Variants in NFAT5 observed in about 807,000 individuals in gnomAD.
NFAT5 encodes nuclear factor of activated T cells 5, also known as nuclear factor of activated T-cells 5.
NFAT5 carries 31 observed loss-of-function variants against 166.5 expected under a neutral mutation model. The observed-to-expected ratio is 0.19, with a 90% CI of 0.14 to 0.25. The LOEUF (loss-of-function observed/expected upper bound fraction) is 0.25. Ranked by LOEUF, NFAT5 falls within the 10% of genes least tolerant of loss-of-function variation. The pLI is 1.00. For missense variants in NFAT5, 1,449 were observed against 1,821.8 expected, an observed-to-expected ratio of 0.80 and a Z score of 3.72; for synonymous variants, 612 against 639.7, an observed-to-expected ratio of 0.96 and a Z score of 0.65.
intron 3 of NFAT5, among the ~76,000 whole-genome samples, chr16:69,641,604 A>G (rs1276368253): frequency 2.0e-5 from 3 of 152,158 alleles, no homozygotes; most frequent in African/African-American, 7.2e-5. Context: ...AAATATTTCT[A>G]ATTTCAAAGC....
intron 7 of NFAT5, among the ~76,000 whole-genome samples, chr16:69,669,559 T>G (rs569853694): frequency 6.6e-6 from 1 of 152,222 alleles, no homozygotes; most frequent in African/African-American, 2.4e-5. Flanking sequence ...AAAAAAGATT[T>G]TAGATTTTTG....
intron 9 of NFAT5, among the ~76,000 whole-genome samples, chr16:69,672,118 C>T (rs2036646970): frequency 6.6e-6 from 1 of 152,196 alleles, no homozygotes; most frequent in Non-Finnish European, 1.5e-5. Flanking sequence ...TTAATTATTT[C>T]CTAGACAATA....
In NFAT5 at chr16:69,691,733, G is replaced by A. The variant is rs1389345242; in HGVS notation, c.1924-16G>A. ...TGTTTATATATTCATAATATTTGGG[G>A]ATTTTTATTTTTTAGACTACAAAGT... On this transcript the variant is annotated splice_polypyrimidine_tract_variant and intron_variant, in intron 12 of 14. Transcript: ENST00000349945. 1 of 1,578,136 alleles carries A rather than the reference G, an allele frequency of 6.3e-7. No homozygotes were observed. Among genetic ancestry groups the A allele is most frequent in the Non-Finnish European group, 8.6e-7 (1 of 1,164,556 alleles).
At position 69,697,410 on chromosome 16, in the gene NFAT5, C is replaced by G. The variant is rs2037797848; in HGVS notation, c.*1059C>G. The G allele has an allele frequency of 6.6e-6, 1 of 151,808 alleles. No homozygotes were observed. Among genetic ancestry groups the G allele is most frequent in the South Asian group, 2.1e-4 (1 of 4,822 alleles). The allele number at this position is 151,808 out of a possible 1,614,324, so 9.4% of individuals were successfully genotyped here. ...ATTTTTCCCCATGAACGGTGCTGTT[C>G]TGAAGTCTTCAAATTTTTCCCTCTA... On this transcript the variant is annotated 3_prime_UTR_variant, in exon 15 of 15. Transcript: ENST00000349945.
chr16:69,618,795 G>T (rs962808720), intron 2 of NFAT5, among the ~76,000 whole-genome samples: 2 of 152,198 alleles, frequency 1.3e-5, no homozygotes, highest in Admixed American at 6.5e-5. Context: ...GTTTAGAAAT[G>T]GATTTTTCAG....
intron 2 of NFAT5, among the ~76,000 whole-genome samples, chr16:69,584,602 T>C (rs1224952824): frequency 6.6e-6 from 1 of 151,606 alleles, no homozygotes; most frequent in African/African-American, 2.4e-5. Context: ...GGTCTTGCTA[T>C]ATATAGCAAG....
chr16:69,607,865 T>A (rs2033496843), intron 2 of NFAT5, among the ~76,000 whole-genome samples: 1 of 152,236 alleles, frequency 6.6e-6, no homozygotes, highest in Non-Finnish European at 1.5e-5. Context: ...TTTTTCTATT[T>A]TCCACTCTCT....
chr16:69,623,106 T>C (rs1265071615), intron 2 of NFAT5, among the ~76,000 whole-genome samples: 2 of 151,982 alleles, frequency 1.3e-5, no homozygotes, highest in Non-Finnish European at 2.9e-5. Context: ...GATTGCACCA[T>C]TGCACTCCAG....
At chr16:69,675,823 T>G (rs374687977) in intron 9 of NFAT5, among the ~76,000 whole-genome samples, 3 of 152,256 alleles carry the variant, frequency 2.0e-5, no homozygotes, top group African/African-American at 7.2e-5. Flanking sequence ...GTATTTTTAG[T>G]AGAAACAGGG....
chr16:69,690,957 T>C lies in NFAT5; in HGVS notation c.1792T>C (p.Cys598Arg), dbSNP rs2037522396. 1.3e-6 allele frequency: 2 copies of C among 1,575,870 alleles called. No individual in the cohort carries two copies. The highest frequency in any genetic ancestry group is 1.9e-5 in the Admixed American group (1 of 53,172). ...ATATGCAGCAATGAAAACTACTGGA[T>C]GTAATTTAGATAAGGTAAATATTAT... ...EAMKAMKTTG[C>R]NLDKVNIIPN... The change falls in exon 12 of 15, where the codon TGT (cysteine) becomes CGT (arginine). Residue 598 changes from cysteine (C) to arginine (R), a missense_variant. Physicochemically the swap from Cys to Arg is radical, Grantham distance 180. Coordinates refer to ENST00000349945, the MANE Select transcript of NFAT5 (RefSeq NM_138713.4).
At chr16:69,634,116 A>G (rs1425008543) in intron 3 of NFAT5, among the ~76,000 whole-genome samples, 1 of 151,870 alleles carries the variant, frequency 6.6e-6, no homozygotes, top group Non-Finnish European at 1.5e-5. Context: ...CATCTCTACT[A>G]AAAATACAAA....
intron 9 of NFAT5, among the ~76,000 whole-genome samples, chr16:69,674,398 T>G (rs1051195454): frequency 6.6e-6 from 1 of 152,100 alleles, no homozygotes; most frequent in African/African-American, 2.4e-5. Context: ...TGATCATTCA[T>G]TATGTCTATT....
intron 2 of NFAT5, among the ~76,000 whole-genome samples, chr16:69,606,829 G>A (rs1407835292): frequency 6.6e-6 from 1 of 152,282 alleles, no homozygotes; most frequent in South Asian, 2.1e-4. Flanking sequence ...ACTCCAGCTT[G>A]GGTGATAGAG....
intron 4 of NFAT5, among the ~76,000 whole-genome samples, chr16:69,652,724 G>A (rs1017402276): frequency 6.7e-6 from 1 of 150,176 alleles, no homozygotes; most frequent in African/African-American, 2.5e-5. Flanking sequence ...ATTTTGTATG[G>A]GGGTATGTAG....
chr16:69,658,941 T>A (rs1261009562), intron 6 of NFAT5, among the ~76,000 whole-genome samples: 1 of 152,202 alleles, frequency 6.6e-6, no homozygotes, highest in Non-Finnish European at 1.5e-5. Flanking sequence ...GTACCCACTG[T>A]TTTGTAATCT....
intron 2 of NFAT5, among the ~76,000 whole-genome samples, chr16:69,596,424 A>G (rs2032792328): frequency 6.6e-6 from 1 of 151,886 alleles, no homozygotes; most frequent in African/African-American, 2.4e-5. Flanking sequence ...GCTAGTCTTA[A>G]AAAAAGAAAA....
At chr16:69,585,511 T>C (rs909184112) in intron 2 of NFAT5, among the ~76,000 whole-genome samples, 2 of 152,144 alleles carry the variant, frequency 1.3e-5, no homozygotes, top group Non-Finnish European at 2.9e-5. Context: ...CTCAAACAGA[T>C]ACTAATGCAC....
In NFAT5 at chr16:69,582,577, G is replaced by A. The variant is rs181385807; in HGVS notation, c.127+14029G>A. Among the ~76,000 whole-genome samples, 44 of 150,398 alleles carry A rather than the reference G, an allele frequency of 2.9e-4. No individual in the cohort carries two copies. The Middle Eastern group carries it at 0.014, about 47-fold the overall frequency. On this transcript the variant is annotated intron_variant, in intron 2 of 14. Transcript: ENST00000349945. ...CTAACAGCTTCATTGTTTTGCATGTGCATATCTAGTTGCCTGAGCACTATT... is the reference window on the plus strand; with the variant it reads ...CTAACAGCTTCATTGTTTTGCATGTACATATCTAGTTGCCTGAGCACTATT...
intron 7 of NFAT5, among the ~76,000 whole-genome samples, chr16:69,663,564 TAA>T (rs60161117): frequency 0.054 from 4,939 of 91,826 alleles, 277 homozygotes; most frequent in African/African-American, 0.18. Context: ...CCCATCTCTT[TAA>T]AAAAAAAAAA....
Sources: allele counts gnomAD v4.1 joint callset (sites outside exome capture counted in the v4.1 genomes callset), GRCh38; gene constraint gnomAD v4.1.1; transcripts MANE v1.5; gene names NCBI Gene and HGNC (gene_info 2026-07-23, HGNC 2026-07-21).